Variants in CYP4F12 observed in about 807,000 individuals in gnomAD.
CYP4F12 encodes cytochrome P450 4F12.
CYP4F12 carries 60 observed loss-of-function variants against 56.5 expected under a neutral mutation model. The observed-to-expected ratio is 1.06, with a 90% CI of 0.86 to 1.32. The LOEUF (loss-of-function observed/expected upper bound fraction) is 1.32, where lower values mean the gene tolerates loss of function less well. CYP4F12 is among the 40% of genes most tolerant of loss of function. The pLI is 0.00. For synonymous variants in CYP4F12, 263 were observed against 264.9 expected (o/e 0.99, Z 0.07); for missense variants, 711 against 683.5 (o/e 1.04, Z -0.45).
chr19:15,678,641 A>G (rs1483548647), intron 3 of CYP4F12: 5 of 499,326 alleles, frequency 1.0e-5, no homozygotes, highest in African/African-American at 9.5e-5. Flanking sequence ...ACACGGGTCT[A>G]GACAGAGACA....
At chr19:15,684,006 A>C in intron 7 of CYP4F12, 1 of 371,206 alleles carries the variant, frequency 2.7e-6, no homozygotes, top group Non-Finnish European at 4.7e-6. Flanking sequence ...TTAGTCTTTC[A>C]CATTTTTATG....
chr19:15,680,120 C>T, intron 3 of CYP4F12, 124 bp from the exon 4 acceptor site: 2 of 1,305,310 alleles, frequency 1.5e-6, no homozygotes, highest in Non-Finnish European at 2.1e-6. Context: ...CGTCCTTTGC[C>T]CTTGGCCCCC....
chr19:15,695,492 T>C (rs952908198), intron 9 of CYP4F12, among the ~76,000 whole-genome samples: 5 of 105,242 alleles, frequency 4.8e-5, no homozygotes, highest in Non-Finnish European at 1.8e-5. Context: ...ACCCTAAAAG[T>C]ATAATAATAA....
intron 9 of CYP4F12, among the ~76,000 whole-genome samples, chr19:15,688,327 G>A (rs1356315285): frequency 6.6e-6 from 1 of 150,858 alleles, no homozygotes; most frequent in Admixed American, 6.6e-5. Context: ...ACCACCCTCT[G>A]ACTCTCACAG....
In CYP4F12 at chr19:15,673,456, C is replaced by T. The variant is rs2144698390; in HGVS notation, c.-1-73C>T. The T allele has an allele frequency of 7.9e-6, 12 of 1,522,142 alleles. 1 individual carries two copies. Among genetic ancestry groups the T allele is most frequent in the South Asian group, 6.9e-5 (6 of 86,408 alleles). 94.3% of individuals were successfully genotyped at this position (1,522,142 alleles called of 1,614,324 possible). On this transcript the variant is annotated intron_variant, in intron 1 of 12. Transcript: ENST00000550308. ...CCCTGCCCCCAGCAGTTCCTGACTTCGCCCCTATACACTGTCCCCGGAGCT... is the reference window on the plus strand; with the variant it reads ...CCCTGCCCCCAGCAGTTCCTGACTTTGCCCCTATACACTGTCCCCGGAGCT...
chr19:15,684,921 T>C (rs1384089300), intron 8 of CYP4F12, 39 bp downstream of exon 8: 2 of 1,571,218 alleles, frequency 1.3e-6, no homozygotes, highest in Non-Finnish European at 1.7e-6. Context: ...GAGACAGAGG[T>C]CCCTCCATCT....
chr19:15,690,444 A>C (rs1443862700), intron 9 of CYP4F12, among the ~76,000 whole-genome samples: 1 of 152,170 alleles, frequency 6.6e-6, no homozygotes, highest in African/African-American at 2.4e-5. Flanking sequence ...TTCTAACGGA[A>C]ACTTGTACCC....
chr19:15,673,401 C>T (rs2144698277), intron 1 of CYP4F12, 128 bp from the exon 2 acceptor site: 1 of 1,026,036 alleles, frequency 9.7e-7, no homozygotes, highest in Non-Finnish European at 1.4e-6. Flanking sequence ...AGATCTCAGC[C>T]CTCGTTTACT....
chr19:15,675,332 A>G (rs114320661), intron 2 of CYP4F12, among the ~76,000 whole-genome samples: 3,565 of 151,460 alleles, frequency 0.024, 16 homozygotes, highest in African/African-American at 0.083. Flanking sequence ...AGAACCTGGC[A>G]TAAGTGAGGC....
intron 9 of CYP4F12, among the ~76,000 whole-genome samples, chr19:15,693,061 G>A (rs1165783104): frequency 2.6e-5 from 4 of 151,978 alleles, no homozygotes; most frequent in Admixed American, 2.0e-4. Flanking sequence ...CTGAGCAACA[G>A]AGACTCCATT....
intron 9 of CYP4F12, among the ~76,000 whole-genome samples, chr19:15,690,176 T>A (rs1257920502): frequency 6.6e-6 from 1 of 152,190 alleles, no homozygotes; most frequent in African/African-American, 2.4e-5. Flanking sequence ...TCTAAAAATA[T>A]GAGTTTTGGA....
At chr19:15,685,684 G>A (rs1005123982) in intron 9 of CYP4F12, among the ~76,000 whole-genome samples, 6 of 152,170 alleles carry the variant, frequency 3.9e-5, no homozygotes, top group South Asian at 2.1e-4. Flanking sequence ...GTCCTAGCCC[G>A]CTGAGAGAAC....
At chr19:15,680,791 T>C in intron 5 of CYP4F12, 2 of 479,416 alleles carry the variant, frequency 4.2e-6, no homozygotes, top group South Asian at 4.0e-5. Flanking sequence ...GATTGTGTAG[T>C]AGTCATTGCT....
intron 3 of CYP4F12, among the ~76,000 whole-genome samples, chr19:15,679,581 T>C (rs1041324644): frequency 1.3e-5 from 2 of 152,214 alleles, no homozygotes; most frequent in Non-Finnish European, 2.9e-5. Context: ...TCGAGGACAC[T>C]TGGGGCATGT....
chr19:15,697,000 A>T lies in CYP4F12; in HGVS notation c.1490A>T (p.Glu497Val), dbSNP rs1199922573. 1 of 1,614,088 alleles carries T rather than the reference A, an allele frequency of 6.2e-7. No individual in the cohort carries two copies. The highest frequency in any genetic ancestry group is 1.3e-5 in the African/African-American group (1 of 74,942). The stretch of plus-strand genomic sequence containing the variant: ...TTCCGGTTCCTGCCAGACCACACTG[A>T]GCCCCGCAGGAAGCTGGAATTGATC... ...LHFRFLPDHTEPRRKLELIMR... is the reference protein window; with the variant it reads ...LHFRFLPDHTVPRRKLELIMR... The change falls in exon 13 of 13, where the codon GAG (glutamate) becomes GTG (valine). Residue 497 changes from glutamate to valine, a missense_variant. Transcript: ENST00000550308.
intron 9 of CYP4F12, among the ~76,000 whole-genome samples, chr19:15,686,361 G>C (rs1308450852): frequency 2.6e-5 from 4 of 152,214 alleles, no homozygotes; most frequent in Admixed American, 2.6e-4. Context: ...TTTGGATGCA[G>C]TAGTGCCCTA....
intron 1 of CYP4F12, 112 bp from the exon 2 acceptor site, chr19:15,673,417 C>A: frequency 8.0e-7 from 1 of 1,257,248 alleles, no homozygotes; most frequent in Non-Finnish European, 1.1e-6. Flanking sequence ...TTACTCACCC[C>A]TGAGCCCTCC....
intron 9 of CYP4F12, among the ~76,000 whole-genome samples, chr19:15,689,318 T>G (rs2007768683): frequency 6.6e-6 from 1 of 151,888 alleles, no homozygotes; most frequent in Non-Finnish European, 1.5e-5. Flanking sequence ...CAGATAATTC[T>G]CAAAAGAAGA....
At chr19:15,676,166 C>T (rs1481799400) in intron 2 of CYP4F12, among the ~76,000 whole-genome samples, 4 of 151,952 alleles carry the variant, frequency 2.6e-5, no homozygotes, top group East Asian at 1.9e-4. Context: ...TGGGGTCTGG[C>T]GTCTCAGGGT....
Sources: allele counts gnomAD v4.1 joint callset (sites outside exome capture counted in the v4.1 genomes callset), GRCh38; gene constraint gnomAD v4.1.1; transcripts MANE v1.5; gene names NCBI Gene and HGNC (gene_info 2026-07-23, HGNC 2026-07-21).